L3MBTL2: variants seen among roughly 807,000 people sequenced by gnomAD.
L3MBTL2 encodes L3MBTL histone methyl-lysine binding protein 2.
L3MBTL2 carries 49 observed loss-of-function variants against 86.4 expected under a neutral mutation model. That is an observed-to-expected ratio of 0.57 (90% CI 0.45 to 0.72). The LOEUF (loss-of-function observed/expected upper bound fraction) is 0.72. Among genes scored for constraint, L3MBTL2 ranks in the 30% least tolerant of loss-of-function variants. The pLI is 0.00. For missense variants in L3MBTL2, 755 were observed against 923.7 expected (o/e 0.82, Z 2.37); for synonymous variants, 336 against 350.6 (o/e 0.96, Z 0.47).
chr22:41,220,767 A>G lies in L3MBTL2; in HGVS notation c.752A>G (p.Glu251Gly), dbSNP rs1261699495. The change falls in exon 7 of 17, where the codon GAA becomes GGA. Residue 251 changes from glutamate to glycine, a missense_variant. Physicochemically the swap from Glu to Gly is moderately conservative, Grantham distance 98 (BLOSUM62 -2). Transcript: ENST00000216237. ...GTGCTGCTTCGGTATGAAGGCTTTG[A>G]AAATGACGCCAGCCATGACTTCTGG... Reference protein sequence around the residue: ...YRVLLRYEGFENDASHDFWCN... With the variant: ...YRVLLRYEGFGNDASHDFWCN... 2 of 1,613,816 alleles carry G rather than the reference A, an allele frequency of 1.2e-6. No individual in the cohort carries two copies. The highest frequency in any genetic ancestry group is 3.3e-5 in the Admixed American group (2 of 60,006).
intron 8 of L3MBTL2, among the ~76,000 whole-genome samples, chr22:41,223,335 C>A (rs998601036): frequency 1.3e-5 from 2 of 152,192 alleles, no homozygotes; most frequent in Non-Finnish European, 2.9e-5. Context: ...CCAGGCAGGA[C>A]AGCACTGAAG....
intron 5 of L3MBTL2, 39 bp from the exon 6 acceptor site, chr22:41,219,380 G>C (rs779094330): frequency 6.7e-7 from 1 of 1,487,366 alleles, no homozygotes; most frequent in Non-Finnish European, 9.4e-7. Flanking sequence ...TGCTAGCACA[G>C]TTAGCTCACT....
At chr22:41,226,036 G>C in intron 12 of L3MBTL2, 95 bp downstream of exon 12, 1 of 1,390,328 alleles carries the variant, frequency 7.2e-7, no homozygotes, top group South Asian at 1.3e-5. Flanking sequence ...TAGCACTTTG[G>C]GAGGCCGAGG....
At chr22:41,207,994 G>A (rs1461693471) in intron 1 of L3MBTL2, among the ~76,000 whole-genome samples, 1 of 151,966 alleles carries the variant, frequency 6.6e-6, no homozygotes, top group Non-Finnish European at 1.5e-5. Context: ...ATCATGCCCA[G>A]CTATTTTTTG....
chr22:41,228,430 G>A lies in L3MBTL2; in HGVS notation c.1888+561G>A, dbSNP rs1015168774. The A allele has an allele frequency of 3.7e-5, 36 of 985,456 alleles. No homozygotes were observed. The African/African-American group carries it at 5.8e-4, about 16-fold the overall frequency. 61.0% of individuals were successfully genotyped at this position (985,456 alleles called of 1,614,324 possible). A position where few individuals can be genotyped will look rare whatever the true frequency, so the allele number is the denominator to read the frequency against. ...GCTTGGGTTCCACTTGAGGGGCAGA[G>A]CGGGAGCGGGCAAAGCCATCCTTCA... On this transcript the variant is annotated intron_variant, in intron 15 of 16. Transcript: ENST00000216237.
intron 5 of L3MBTL2, chr22:41,218,928 C>G (rs2031603611): frequency 6.5e-6 from 1 of 154,776 alleles, no homozygotes; most frequent in African/African-American, 2.4e-5. Context: ...GCCTGGCCCC[C>G]TGGAGCATTT....
intron 2 of L3MBTL2, among the ~76,000 whole-genome samples, chr22:41,211,852 C>T (rs1333385541): frequency 1.7e-4 from 23 of 138,784 alleles, no homozygotes; most frequent in African/African-American, 5.2e-4. Context: ...CCACCGCACC[C>T]GGCCTTTTTT....
chr22:41,226,993 C>CT, intron 13 of L3MBTL2, 96 bp from the exon 14 acceptor site: 1 of 1,103,370 alleles, frequency 9.1e-7, no homozygotes, highest in Non-Finnish European at 1.3e-6. Flanking sequence ...AGTCCCCGCC[C>CT]CTCCCTGCCA....
At chr22:41,228,524 A>C (rs1338909658) in intron 15 of L3MBTL2, 1 of 985,308 alleles carries the variant, frequency 1.0e-6, no homozygotes, top group Non-Finnish European at 1.2e-6. Flanking sequence ...GGATGTTCTG[A>C]AACAGAAACA....
Position 41,226,735 on chromosome 22 carries a change from CTT to C in L3MBTL2, c.1580_1581del (p.Phe527Ter), listed in dbSNP as rs2032210016. 1.9e-6 allele frequency: 3 copies of C among 1,613,222 alleles called. No individual in the cohort carries two copies. The highest frequency in any genetic ancestry group is 1.7e-6 in the Non-Finnish European group (2 of 1,179,174). Reference protein sequence around the residue: ...TKSKAAPSRLFNMDCPNHGFK... With the variant: ...TKSKAAPSRLXNMDCPNHGFK... ...AGTCGAAAGCCGCTCCATCGAGACT[CTT>C]TAACATGGTGAGGAGACTGAAGTGG... On this transcript the variant is annotated frameshift_variant, in exon 13 of 17. Coordinates refer to ENST00000216237, the MANE Select transcript of L3MBTL2 (RefSeq NM_031488.5). LOFTEE classifies it high-confidence loss of function.
chr22:41,228,210 T>C (rs2032326080), intron 15 of L3MBTL2: 1 of 985,322 alleles, frequency 1.0e-6, no homozygotes, highest in Admixed American at 6.1e-5. Flanking sequence ...CCGCAGCTGC[T>C]AGGTTCTAAA....
intron 5 of L3MBTL2, chr22:41,218,086 G>A (rs2031532347): frequency 6.6e-6 from 1 of 152,192 alleles, no homozygotes; most frequent in South Asian, 2.1e-4. Context: ...AATCCAATTT[G>A]CTTTGTAAAA....
intron 15 of L3MBTL2, chr22:41,228,345 C>A (rs1678223101): frequency 1.0e-5 from 10 of 985,352 alleles, no homozygotes; most frequent in Non-Finnish European, 1.2e-5. Context: ...CTCCACCTGG[C>A]TCTCAGGCCG....
At chr22:41,213,584 G>T (rs2031093246) in intron 2 of L3MBTL2, 1 of 201,840 alleles carries the variant, frequency 5.0e-6, no homozygotes, top group Non-Finnish European at 1.0e-5. Context: ...GAGCTACCAT[G>T]CCTAGTTTCT....
intron 1 of L3MBTL2, 31 bp from the exon 2 acceptor site, chr22:41,209,661 ATTCT>A: frequency 6.3e-7 from 1 of 1,595,192 alleles, no homozygotes; most frequent in African/African-American, 1.3e-5. Context: ...GCCAATCATA[ATTCT>A]TTCTACCTGG....
intron 15 of L3MBTL2, 146 bp from the exon 16 acceptor site, chr22:41,229,394 T>C (rs1316423579): frequency 2.4e-5 from 19 of 779,996 alleles, no homozygotes; most frequent in African/African-American, 5.2e-5. Context: ...ATAAGATGTG[T>C]TGTCAGAGTT....
At chr22:41,229,699 C>T (rs746385721) in intron 16 of L3MBTL2, 43 bp downstream of exon 16, 59 of 1,612,594 alleles carry the variant, frequency 3.7e-5, no homozygotes, top group African/African-American at 5.3e-5. Flanking sequence ...CAGCCTGCTC[C>T]GTGCTCAGAG....
intron 8 of L3MBTL2, 136 bp downstream of exon 8, chr22:41,221,423 A>G (rs2145599071): frequency 2.6e-6 from 2 of 759,380 alleles, no homozygotes; most frequent in South Asian, 1.7e-5. Context: ...TTGCAAGGCT[A>G]GAGACAAATG....
Position 41,224,461 on chromosome 22 carries a change from T to C in L3MBTL2, c.1174+210T>C, listed in dbSNP as rs1430183984. ...GGTAAAATCAAGATTTGAACCCAGA[T>C]GCTACCAGCCCCGATCCTCTCCCCT... On this transcript the variant is annotated intron_variant, in intron 9 of 16. Transcript: ENST00000216237. This position sits in a 1 kb window ranked among gnomAD's most constrained non-coding sequence, Gnocchi z 4.9. Among the ~76,000 whole-genome samples the C allele has an allele frequency of 6.6e-6, 1 of 152,176 alleles. No individual in the cohort carries two copies. Among genetic ancestry groups the C allele is most frequent in the Non-Finnish European group, 1.5e-5 (1 of 68,030 alleles).
Sources: allele counts gnomAD v4.1 joint callset (sites outside exome capture counted in the v4.1 genomes callset), GRCh38; gene constraint gnomAD v4.1.1; non-coding constraint Gnocchi (gnomAD v3.1); transcripts MANE v1.5; gene names NCBI Gene and HGNC (gene_info 2026-07-23, HGNC 2026-07-21).